The following RNF144A variants were observed in gnomAD, a reference collection of about 807,000 sequenced individuals.
RNF144A encodes the protein E3 ubiquitin-protein ligase RNF144A.
RNF144A carries 11 observed loss-of-function variants against 38.7 expected under a neutral mutation model. The ratio of observed to expected loss-of-function variants is 0.28; its 90% CI spans 0.18 to 0.47. The LOEUF (loss-of-function observed/expected upper bound fraction) is 0.47, where lower values mean the gene tolerates loss of function less well. RNF144A is among the 20% of genes least tolerant of loss of function. RNF144A has a pLI of 0.99. For missense variants in RNF144A, 316 were observed against 377.2 expected, an observed-to-expected ratio of 0.84 and a Z score of 1.34; for synonymous variants, 149 against 143.9, an observed-to-expected ratio of 1.04 and a Z score of -0.25.
rs535315393 is a variant in RNF144A at position 6,990,987 on chromosome 2, T to C, written c.-11-5929T>C. Among the ~76,000 whole-genome samples the C allele has an allele frequency of 6.6e-5, 10 of 152,316 alleles. No individual in the cohort carries two copies. In the South Asian group the frequency reaches 2.1e-3, roughly 32 times the overall value. On this transcript the variant is annotated intron_variant, in intron 2 of 8. Coordinates refer to ENST00000320892, the MANE Select transcript of RNF144A (RefSeq NM_014746.6). ...TTGCAGGTAGTAATATGCTTTTAAATTTCTTCCATGTCTTTTCTTGGCTTG... is the reference window on the plus strand; with the variant it reads ...TTGCAGGTAGTAATATGCTTTTAAACTTCTTCCATGTCTTTTCTTGGCTTG...
intron 2 of RNF144A, among the ~76,000 whole-genome samples, chr2:6,992,342 CTGAT>C (rs1402731010): frequency 1.2e-4 from 18 of 152,306 alleles, no homozygotes; most frequent in African/African-American, 3.6e-4. Flanking sequence ...TCAGGTGATG[CTGAT>C]GCTGGTGTTT....
In RNF144A at chr2:6,941,471, G is replaced by C. The variant is rs781399253; in HGVS notation, c.-12+324G>C. Reference sequence around the variant, plus strand: ...TAGAGAACACGTGGATTGAGCTCCTGCGTGTGCCAGGCACAGCTCTAACTC... The same window carrying C: ...TAGAGAACACGTGGATTGAGCTCCTCCGTGTGCCAGGCACAGCTCTAACTC... On this transcript the variant is annotated intron_variant, in intron 2 of 8. Transcript: ENST00000320892. The surrounding 1 kb of genome is among the most constrained non-coding windows in gnomAD (Gnocchi z 6.5). Among the ~76,000 whole-genome samples, 14 of 152,238 alleles carry C rather than the reference G, an allele frequency of 9.2e-5. No individual in the cohort carries two copies. Among genetic ancestry groups the C allele is most frequent in the Non-Finnish European group, 1.9e-4 (13 of 68,040 alleles).
At chr2:7,036,787 A>G (rs1217433095) in intron 8 of RNF144A, among the ~76,000 whole-genome samples, 13 of 152,148 alleles carry the variant, frequency 8.5e-5, no homozygotes, top group Non-Finnish European at 1.8e-4. Context: ...ATTTTGGCTT[A>G]GTTTTCCAAG....
At chr2:6,987,370 G>A (rs1254291466) in intron 2 of RNF144A, among the ~76,000 whole-genome samples, 1 of 152,188 alleles carries the variant, frequency 6.6e-6, no homozygotes, top group East Asian at 1.9e-4. Flanking sequence ...TCTGGGGTGT[G>A]TGTGTGTGTG....
In RNF144A at chr2:6,953,296, G is replaced by A. The variant is rs890828618; in HGVS notation, c.-12+12149G>A. Among the ~76,000 whole-genome samples the A allele has an allele frequency of 2.6e-5, 4 of 152,212 alleles. No homozygotes were observed. The East Asian group carries it at 7.7e-4, about 29-fold the overall frequency. ...ATACAAAAATTAGAGCGGCATGGTG[G>A]CGGGCGCCTGTAATCCCAGCTACTC... On this transcript the variant is annotated intron_variant, in intron 2 of 8. Transcript: ENST00000320892.
chr2:6,950,163 C>G (rs1399557158), intron 2 of RNF144A, among the ~76,000 whole-genome samples: 1 of 152,154 alleles, frequency 6.6e-6, no homozygotes, highest in East Asian at 1.9e-4. Flanking sequence ...ACGAGAGCAT[C>G]GTTGATGTGA....
At chr2:7,075,291 C>T in the RNF144A span, among the ~76,000 whole-genome samples, 1 of 151,220 alleles carries the variant, frequency 6.6e-6, no homozygotes, top group African/African-American at 2.4e-5. Flanking sequence ...TCCCCCCCCC[C>T]ACACAGTGTT....
At position 7,014,576 on chromosome 2, in the gene RNF144A, G is replaced by T. The variant is rs374721864; in HGVS notation, c.240+18G>T. The T allele has an allele frequency of 3.0e-5, 47 of 1,579,296 alleles. No homozygotes were observed. The highest frequency in any genetic ancestry group is 3.7e-5 in the Non-Finnish European group (43 of 1,156,208). On this transcript the variant is annotated intron_variant, in intron 4 of 8. Coordinates refer to ENST00000320892, the MANE Select transcript of RNF144A (RefSeq NM_014746.6). ...AGAACGAGGCATGTGCAATTGAACA[G>T]ACTGGGCTGTTTGATGTGCACAGGC...
At chr2:6,948,024 T>C (rs1241508712) in intron 2 of RNF144A, among the ~76,000 whole-genome samples, 1 of 152,182 alleles carries the variant, frequency 6.6e-6, no homozygotes, top group East Asian at 1.9e-4. Flanking sequence ...TGCAGCCCAA[T>C]CTAGGTCCCG....
chr2:6,958,902 C>A lies in RNF144A; in HGVS notation c.-12+17755C>A, dbSNP rs1216188153. The stretch of plus-strand genomic sequence containing the variant: ...AAAGCTTCTCTTTTACCCAATGGCT[C>A]CCTAAAAGCTTCTCTTTTACCCAGT... On this transcript the variant is annotated intron_variant, in intron 2 of 8. Coordinates refer to ENST00000320892, the MANE Select transcript of RNF144A (RefSeq NM_014746.6). The surrounding 1 kb of genome is among the most constrained non-coding windows in gnomAD (Gnocchi z 4.5). Among the ~76,000 whole-genome samples the A allele has an allele frequency of 6.6e-6, 1 of 152,118 alleles. No individual in the cohort carries two copies. Among genetic ancestry groups the A allele is most frequent in the Non-Finnish European group, 1.5e-5 (1 of 68,022 alleles).
At chr2:7,017,773 A>T (rs1182851205) in intron 5 of RNF144A, among the ~76,000 whole-genome samples, 1 of 152,200 alleles carries the variant, frequency 6.6e-6, no homozygotes, top group Non-Finnish European at 1.5e-5. Flanking sequence ...CAGAATGTTA[A>T]TAGACATCTA....
intron 7 of RNF144A, among the ~76,000 whole-genome samples, chr2:7,026,170 G>T (rs557271381): frequency 6.6e-6 from 1 of 152,166 alleles, no homozygotes; most frequent in Admixed American, 6.5e-5. Context: ...ATATGGTAAC[G>T]GTCTGGAATA....
chr2:6,930,782 G>T (rs117426150), intron 1 of RNF144A, among the ~76,000 whole-genome samples: 1 of 151,916 alleles, frequency 6.6e-6, no homozygotes, highest in African/African-American at 2.4e-5. Flanking sequence ...TTTGTAGAGG[G>T]GGGGATTTGC....
chr2:6,954,650 G>A (rs1666886744), intron 2 of RNF144A, among the ~76,000 whole-genome samples: 2 of 152,166 alleles, frequency 1.3e-5, no homozygotes, highest in Admixed American at 1.3e-4. Flanking sequence ...AAGAAGATGG[G>A]AACTCTCCAC....
At chr2:7,045,510 C>T (rs1673270609), downstream of RNF144A, among the ~76,000 whole-genome samples, 1 of 152,184 alleles carries the variant, frequency 6.6e-6, no homozygotes, top group South Asian at 2.1e-4. Flanking sequence ...TCTCTGCCTG[C>T]AGGTTCCCAC....
rs1431232298 is a variant in RNF144A, at chr2:7,042,217, A to T, written c.*2457A>T. The T allele has an allele frequency of 3.0e-6, 3 of 985,446 alleles. No homozygotes were observed. In the East Asian group the frequency reaches 3.4e-4, roughly 112 times the overall value. The allele number at this position is 985,446 out of a possible 1,614,324, so 61.0% of individuals were successfully genotyped here. On this transcript the variant is annotated 3_prime_UTR_variant, in exon 9 of 9. Transcript: ENST00000320892. ...GTAAGGAGTGCCAGACTTATCTTTGATGGGAATACAGTATGAACCCTGCTT... is the reference window on the plus strand; with the variant it reads ...GTAAGGAGTGCCAGACTTATCTTTGTTGGGAATACAGTATGAACCCTGCTT...
At chr2:7,066,241 T>C (rs555556063) in intron 6 of RNF144A, among the ~76,000 whole-genome samples, 4 of 151,946 alleles carry the variant, frequency 2.6e-5, no homozygotes, top group South Asian at 2.1e-4. Context: ...GCGCCCACTA[T>C]CACGCCCAGC....
At position 7,043,919 on chromosome 2, in the gene RNF144A, G is replaced by A; in HGVS notation, c.*4159G>A. On this transcript the variant is annotated 3_prime_UTR_variant, in exon 9 of 9. Transcript: ENST00000320892. Reference sequence around the variant, plus strand: ...ATACGTTATGTATTTGACAAGTGGTGGTGAAACAAAATCAAAACAGATTTG... The same window carrying A: ...ATACGTTATGTATTTGACAAGTGGTAGTGAAACAAAATCAAAACAGATTTG... 1.0e-6 allele frequency: 1 copy of A among 985,820 alleles called. No homozygotes were observed. Among genetic ancestry groups the A allele is most frequent in the Non-Finnish European group, 1.2e-6 (1 of 829,918 alleles). The allele number at this position is 985,820 out of a possible 1,614,324, so 61.1% of individuals were successfully genotyped here.
chr2:6,993,720 T>A (rs985918197), intron 2 of RNF144A, among the ~76,000 whole-genome samples: 1 of 152,170 alleles, frequency 6.6e-6, no homozygotes, highest in African/African-American at 2.4e-5. Context: ...TGTTTGATTC[T>A]TCTAAAAATT....
Sources: gnomAD v4.1 joint callset for allele counts (sites outside exome capture counted in the v4.1 genomes callset) on GRCh38, gnomAD v4.1.1 for gene constraint, Gnocchi (gnomAD v3.1) non-coding constraint, MANE v1.5 for transcripts, NCBI Gene and HGNC (gene_info 2026-07-23, HGNC 2026-07-21) for gene names.